Variants in PLPP3 observed in about 807,000 individuals in gnomAD.
The protein encoded by PLPP3 is phospholipid phosphatase 3, also known as PAP2 beta.
PLPP3 carries 6 observed loss-of-function variants against 29.6 expected under a neutral mutation model. That is an observed-to-expected ratio of 0.20 (90% confidence interval 0.11 to 0.40). The LOEUF is 0.40. Ranked by LOEUF, PLPP3 falls within the 10% of genes least tolerant of loss-of-function variation. PLPP3 has a pLI of 1.00. For missense variants in PLPP3, 308 were observed against 407.7 expected (o/e 0.76, Z 2.11); for synonymous variants, 152 against 159.7 (o/e 0.95, Z 0.36).
In PLPP3 at chr1:56,524,680, T is replaced by C; in HGVS notation, c.298-126A>G. ...GCAAAGGAGTGTCCTAATTTTCTATTTATGAAATATACAGACACAAATATG... is the reference window on the plus strand; with the variant it reads ...GCAAAGGAGTGTCCTAATTTTCTATCTATGAAATATACAGACACAAATATG... On this transcript the variant is annotated intron_variant, in intron 2 of 5. Transcript: ENST00000371250. The surrounding 1 kb of genome is among the most constrained non-coding windows in gnomAD (Gnocchi z 4.3). The C allele has an allele frequency of 9.0e-7, 1 of 1,109,926 alleles. No homozygotes were observed. Among genetic ancestry groups the C allele is most frequent in the African/African-American group, 1.6e-5 (1 of 63,290 alleles). The allele number at this position is 1,109,926 out of a possible 1,614,324, so 68.8% of individuals were successfully genotyped here.
chr1:56,525,685 A>T (rs1645848154), intron 2 of PLPP3, among the ~76,000 whole-genome samples: 1 of 152,000 alleles, frequency 6.6e-6, no homozygotes, highest in Admixed American at 6.6e-5. Flanking sequence ...GCCCAGAGAC[A>T]GTGATGGTCA....
chr1:56,505,775 A>G (rs1371657127), intron 5 of PLPP3, among the ~76,000 whole-genome samples: 1 of 152,222 alleles, frequency 6.6e-6, no homozygotes, highest in Non-Finnish European at 1.5e-5. Context: ...AATCAACATT[A>G]GGCTGTTAGT....
intron 1 of PLPP3, among the ~76,000 whole-genome samples, chr1:56,565,523 C>A (rs754953196): frequency 6.6e-6 from 1 of 152,066 alleles, no homozygotes; most frequent in Admixed American, 6.5e-5. Flanking sequence ...CAGGCTCAAG[C>A]GATTCTCCTG....
At chr1:56,567,115 A>C (rs574478261) in intron 1 of PLPP3, among the ~76,000 whole-genome samples, 148 of 152,308 alleles carry the variant, frequency 9.7e-4, no homozygotes, top group African/African-American at 3.5e-3. Flanking sequence ...AAGAGTCTGT[A>C]CGTCACAGTC....
At chr1:56,563,705 C>A (rs147063918) in intron 1 of PLPP3, among the ~76,000 whole-genome samples, 1 of 152,186 alleles carries the variant, frequency 6.6e-6, no homozygotes, top group East Asian at 1.9e-4. Context: ...GTGTCACCAA[C>A]CCATCAATGA....
At chr1:56,559,783 C>T (rs1646108963) in intron 1 of PLPP3, among the ~76,000 whole-genome samples, 1 of 152,136 alleles carries the variant, frequency 6.6e-6, no homozygotes. Flanking sequence ...TTTTCCAAGA[C>T]AGTTAATATC....
intron 1 of PLPP3, among the ~76,000 whole-genome samples, chr1:56,549,570 G>T (rs1646025263): frequency 6.6e-6 from 1 of 152,104 alleles, no homozygotes; most frequent in Non-Finnish European, 1.5e-5. Context: ...CTTTATCCAA[G>T]GACTGCAGAG....
intron 1 of PLPP3, among the ~76,000 whole-genome samples, chr1:56,563,843 G>C (rs985559091): frequency 1.6e-4 from 24 of 152,152 alleles, no homozygotes; most frequent in Admixed American, 1.4e-3. Flanking sequence ...CTCACTGCCT[G>C]CCACATATTA....
intron 1 of PLPP3, among the ~76,000 whole-genome samples, chr1:56,557,368 C>T (rs999981408): frequency 5.3e-4 from 80 of 151,252 alleles, no homozygotes; most frequent in African/African-American, 1.9e-3. Flanking sequence ...CAAAGCGAGA[C>T]TCCTTCTCAA....
In PLPP3 at chr1:56,497,191, G is replaced by A. The variant is rs115102697; in HGVS notation, c.811-515C>T. Among the ~76,000 whole-genome samples the A allele has an allele frequency of 1.7e-3, 258 of 152,268 alleles. 1 individual carries two copies. The highest frequency in any genetic ancestry group is 5.8e-3 in the African/African-American group (242 of 41,550). On this transcript the variant is annotated intron_variant, in intron 5 of 5. Transcript: ENST00000371250. ...AACTTAGTGATATCAACCATTTGACGGGGGTCAAGAAACCAGGTTCTCGTT... is the reference window on the plus strand; with the variant it reads ...AACTTAGTGATATCAACCATTTGACAGGGGTCAAGAAACCAGGTTCTCGTT...
intron 1 of PLPP3, among the ~76,000 whole-genome samples, chr1:56,556,998 G>GAAAGAAAGAAGGAAAGAAAGA: frequency 1.3e-4 from 1 of 7,444 alleles, no homozygotes; most frequent in Non-Finnish European, 4.1e-4. Context: ...AAGAAAGAAA[G>GAAAGAAAGAAGGAAAGAAAGA]AAAGAAAGAA....
chr1:56,547,733 CA>C (rs370885146), intron 1 of PLPP3, among the ~76,000 whole-genome samples: 80 of 152,290 alleles, frequency 5.3e-4, no homozygotes, highest in African/African-American at 1.9e-3. Context: ...CATTTCAGCA[CA>C]CCCCTAACCC....
intron 5 of PLPP3, among the ~76,000 whole-genome samples, chr1:56,502,704 C>T (rs1645676337): frequency 6.6e-6 from 1 of 152,190 alleles, no homozygotes; most frequent in Non-Finnish European, 1.5e-5. Context: ...CTTTAATAAC[C>T]TTCCATCTTA....
chr1:56,579,041 C>A lies in PLPP3; in HGVS notation c.-25G>T. The A allele has an allele frequency of 1.3e-6, 2 of 1,577,414 alleles. No homozygotes were observed. Among genetic ancestry groups the A allele is most frequent in the South Asian group, 2.3e-5 (2 of 88,442 alleles). ...TGGCGCTGGCTGCGGCGCGAGCCTC[C>A]CGCCCCGCGAAGACGTCCCGCAACA... On this transcript the variant is annotated 5_prime_UTR_variant, in exon 1 of 6. Coordinates refer to ENST00000371250, the MANE Select transcript of PLPP3 (RefSeq NM_003713.5).
At chr1:56,541,823 G>A (rs1359449588) in intron 1 of PLPP3, among the ~76,000 whole-genome samples, 1 of 152,126 alleles carries the variant, frequency 6.6e-6, no homozygotes, top group Non-Finnish European at 1.5e-5. Context: ...CAAGGGAATG[G>A]CACTGGCTCA....
chr1:56,553,017 T>A (rs2100285436), intron 1 of PLPP3, among the ~76,000 whole-genome samples: 1 of 152,282 alleles, frequency 6.6e-6, no homozygotes, highest in Admixed American at 6.5e-5. Context: ...GCTGGTCATG[T>A]CCCAAAGCAA....
chr1:56,574,419 T>A (rs921747155), intron 1 of PLPP3, among the ~76,000 whole-genome samples: 1 of 152,048 alleles, frequency 6.6e-6, no homozygotes. Context: ...CACGCCCGGT[T>A]AATTTTTGAT....
intron 1 of PLPP3, among the ~76,000 whole-genome samples, chr1:56,545,179 G>C (rs1645996781): frequency 6.6e-6 from 1 of 152,072 alleles, no homozygotes; most frequent in South Asian, 2.1e-4. Context: ...CATGATCTTT[G>C]GAGTCAGGCA....
chr1:56,559,121 G>C (rs1374256804), intron 1 of PLPP3, among the ~76,000 whole-genome samples: 1 of 152,164 alleles, frequency 6.6e-6, no homozygotes, highest in East Asian at 1.9e-4. Flanking sequence ...GGAGTAGTGA[G>C]GGGGTAGGGT....
Sources: allele counts gnomAD v4.1 joint callset (sites outside exome capture counted in the v4.1 genomes callset), GRCh38; gene constraint gnomAD v4.1.1; non-coding constraint Gnocchi (gnomAD v3.1); transcripts MANE v1.5; gene names NCBI Gene and HGNC (gene_info 2026-07-23, HGNC 2026-07-21).